Variants in DHRSX observed in about 807,000 individuals in gnomAD.
The protein encoded by DHRSX is polyprenol dehydrogenase.
DHRSX carries 31 observed loss-of-function variants against 34.0 expected under a neutral mutation model. That is an observed-to-expected ratio of 0.91 (90% CI 0.69 to 1.23). The LOEUF is 1.23. DHRSX is among the 50% of genes most tolerant of loss of function. DHRSX has a pLI of 0.00. For synonymous variants in DHRSX, 201 were observed against 183.8 expected (o/e 1.09, Z -0.76); for missense variants, 414 against 428.1 (o/e 0.97, Z 0.29).
At chrX:2,248,440 A>AAAAAAG (rs1351671371) in intron 5 of DHRSX, among the ~76,000 whole-genome samples, 1 of 149,754 alleles carries the variant, frequency 6.7e-6, no homozygotes, top group Non-Finnish European at 1.5e-5. Flanking sequence ...CTCAAAAAAA[A>AAAAAAG]AAAGAAAAAA....
At chrX:2,418,380 G>C (rs1380223928) in intron 2 of DHRSX, among the ~76,000 whole-genome samples, 3 of 151,406 alleles carry the variant, frequency 2.0e-5, no homozygotes, top group Non-Finnish European at 4.4e-5. Flanking sequence ...AACTCAACCA[G>C]ACATCATCAG....
chrX:2,295,321 AG>A (rs1419459722), intron 3 of DHRSX, among the ~76,000 whole-genome samples: 2 of 152,206 alleles, frequency 1.3e-5, no homozygotes, highest in African/African-American at 4.8e-5. Context: ...AAACTATCAC[AG>A]GAACAGAAAA....
chrX:2,371,062 A>T (rs2043052609), intron 3 of DHRSX, among the ~76,000 whole-genome samples: 1 of 152,010 alleles, frequency 6.6e-6, no homozygotes, highest in Non-Finnish European at 1.5e-5. Context: ...AGCGTCCACC[A>T]GTGGTTGCAT....
intron 3 of DHRSX, among the ~76,000 whole-genome samples, chrX:2,319,823 C>A (rs2042286477): frequency 1.3e-5 from 2 of 151,828 alleles, no homozygotes; most frequent in South Asian, 2.1e-4. Flanking sequence ...GTTCAAGGGT[C>A]AGCTGTATAT....
chrX:2,259,687 G>T (rs914016474), intron 5 of DHRSX, among the ~76,000 whole-genome samples: 2 of 152,108 alleles, frequency 1.3e-5, no homozygotes, highest in African/African-American at 2.4e-5. Flanking sequence ...CTCTCTGGAC[G>T]GTCTTCTAGG....
chrX:2,364,704 T>C (rs1436266180), intron 3 of DHRSX, among the ~76,000 whole-genome samples: 7 of 134,160 alleles, frequency 5.2e-5, no homozygotes, highest in African/African-American at 1.7e-4. Flanking sequence ...TTTATCTATT[T>C]ACCATTTATT....
At chrX:2,275,124 TTTTTTTCGGCA>T (rs1328151815) in intron 4 of DHRSX, among the ~76,000 whole-genome samples, 2 of 152,016 alleles carry the variant, frequency 1.3e-5, no homozygotes, top group African/African-American at 4.8e-5. Context: ...CATAATCATG[TTTTTTTCGGCA>T]TCAGTAAAAT....
At chrX:2,463,691 GT>G (rs2044435121) in intron 1 of DHRSX, among the ~76,000 whole-genome samples, 1 of 152,318 alleles carries the variant, frequency 6.6e-6, no homozygotes, top group African/African-American at 2.4e-5. Flanking sequence ...GCTGGAGAAT[GT>G]CTGGGATGGT....
At position 2,372,513 on chromosome X, in the gene DHRSX, C is replaced by G. The variant is rs190837709; in HGVS notation, c.286+36232G>C. On this transcript the variant is annotated intron_variant, in intron 3 of 6. Transcript: ENST00000334651. Reference sequence around the variant, plus strand: ...AAACCCAGGACCCAACAAGGGCAAACGTAAGCAGCGAAGCCCCAGAGACCC... The same window carrying G: ...AAACCCAGGACCCAACAAGGGCAAAGGTAAGCAGCGAAGCCCCAGAGACCC... Among the ~76,000 whole-genome samples, 111 of 152,166 alleles carry G rather than the reference C, an allele frequency of 7.3e-4. 1 individual carries two copies. The highest frequency in any genetic ancestry group is 1.2e-3 in the Non-Finnish European group (85 of 68,018).
chrX:2,240,924 T>A (rs1391500636), intron 6 of DHRSX, among the ~76,000 whole-genome samples: 2 of 152,124 alleles, frequency 1.3e-5, no homozygotes, highest in Non-Finnish European at 1.5e-5. Flanking sequence ...CTCACTACTG[T>A]ATCCCAGCAC....
At chrX:2,355,728 GA>G (rs1413004797) in intron 3 of DHRSX, among the ~76,000 whole-genome samples, 2 of 151,940 alleles carry the variant, frequency 1.3e-5, no homozygotes, top group Non-Finnish European at 2.9e-5. Context: ...TCACATCCTA[GA>G]GAAGCCCGGA....
intron 4 of DHRSX, among the ~76,000 whole-genome samples, chrX:2,286,420 G>A (rs1305407880): frequency 2.0e-5 from 3 of 152,210 alleles, no homozygotes; most frequent in Non-Finnish European, 4.4e-5. Flanking sequence ...CATAGACTGT[G>A]CCATCTGGGC....
chrX:2,272,152 CAAAA>C (rs913717512), intron 4 of DHRSX, among the ~76,000 whole-genome samples: 17 of 151,974 alleles, frequency 1.1e-4, no homozygotes, highest in Non-Finnish European at 1.8e-4. Context: ...AAACCAACAA[CAAAA>C]AAACAAAAAC....
intron 3 of DHRSX, among the ~76,000 whole-genome samples, chrX:2,407,112 C>T (rs2043564982): frequency 6.6e-6 from 1 of 152,184 alleles, no homozygotes; most frequent in African/African-American, 2.4e-5. Context: ...CTATCTCCTG[C>T]AGCAACACAG....
intron 3 of DHRSX, among the ~76,000 whole-genome samples, chrX:2,378,629 T>C (rs937929994): frequency 1.3e-5 from 2 of 152,118 alleles, no homozygotes; most frequent in African/African-American, 4.8e-5. Context: ...GTTACTTCAT[T>C]GTAAGAATAT....
At chrX:2,283,684 C>G (rs2041762265) in intron 4 of DHRSX, among the ~76,000 whole-genome samples, 1 of 152,204 alleles carries the variant, frequency 6.6e-6, no homozygotes, top group Admixed American at 6.5e-5. Context: ...TTCCTTAACT[C>G]TCATGGGTCT....
At chrX:2,221,818 G>A (rs909098393) in intron 6 of DHRSX, among the ~76,000 whole-genome samples, 1 of 152,112 alleles carries the variant, frequency 6.6e-6, no homozygotes, top group African/African-American at 2.4e-5. Context: ...TTGAAACACA[G>A]CACACCCTGG....
chrX:2,228,717 T>A (rs988077852), intron 6 of DHRSX, among the ~76,000 whole-genome samples: 1 of 152,134 alleles, frequency 6.6e-6, no homozygotes, highest in African/African-American at 2.4e-5. Flanking sequence ...TTTTGTGTCA[T>A]TCAAACCACG....
Position 2,382,763 on chromosome X carries a change from C to CACT in DHRSX, c.286+25981_286+25982insAGT, listed in dbSNP as rs1225091589. Among the ~76,000 whole-genome samples the CACT allele has an allele frequency of 1.9e-3, 253 of 135,804 alleles. 21 individuals carry two copies. In the East Asian group the frequency reaches 0.021, roughly 11 times the overall value. 89.1% of individuals were successfully genotyped at this position (135,804 alleles called of 152,430 possible). On this transcript the variant is annotated intron_variant, in intron 3 of 6. Coordinates refer to ENST00000334651, the MANE Select transcript of DHRSX (RefSeq NM_145177.3). The stretch of plus-strand genomic sequence containing the variant: ...TCGCCATCATCATCACTATCATCAT[C>CACT]ATCATCATCACCATCACCATCATCA...
Sources: allele counts gnomAD v4.1 joint callset (sites outside exome capture counted in the v4.1 genomes callset), GRCh38; gene constraint gnomAD v4.1.1; transcripts MANE v1.5; gene names NCBI Gene and HGNC (gene_info 2026-07-23, HGNC 2026-07-21).